PRKN: variants seen among roughly 807,000 people sequenced by gnomAD.
PRKN encodes E3 ubiquitin-protein ligase parkin.
PRKN carries 56 observed loss-of-function variants against 59.5 expected under a neutral mutation model. That is an observed-to-expected ratio of 0.94 (90% CI 0.76 to 1.18). The LOEUF (loss-of-function observed/expected upper bound fraction) is 1.18, where lower values mean the gene tolerates loss of function less well. Ranked by LOEUF, PRKN falls within the 50% of genes most tolerant of loss-of-function variation. The pLI, the probability that PRKN is intolerant of heterozygous loss-of-function variation, is 0.00. For missense variants in PRKN, 657 were observed against 596.4 expected (o/e 1.10, Z -1.06); for synonymous variants, 250 against 222.1 (o/e 1.13, Z -1.12).
chr6:162,538,472 C>A (rs1221432042), intron 1 of PRKN, among the ~76,000 whole-genome samples: 1 of 152,070 alleles, frequency 6.6e-6, no homozygotes, highest in Non-Finnish European at 1.5e-5. Flanking sequence ...AAAAAACCAT[C>A]ATTATTCATC....
chr6:162,337,932 T>C (rs1423185107), intron 2 of PRKN, among the ~76,000 whole-genome samples: 1 of 152,128 alleles, frequency 6.6e-6, no homozygotes, highest in Admixed American at 6.5e-5. Flanking sequence ...ACATTATTAA[T>C]GTTACATAAT....
In PRKN at chr6:161,376,630, G is replaced by A. The variant is rs151322872; in HGVS notation, c.1167+10164C>T. 1.8e-3 allele frequency among the ~76,000 whole-genome samples: 268 copies of A among 152,282 alleles called. 3 individuals carry two copies. The highest frequency in any genetic ancestry group is 6.2e-3 in the African/African-American group (257 of 41,568). On this transcript the variant is annotated intron_variant, in intron 10 of 11. Transcript: ENST00000366898. This position sits in a 1 kb window ranked among gnomAD's most constrained non-coding sequence, Gnocchi z 7.3. ...CCCAGTCCCACCACCTTGGGACTGAGGTCACACCGTCACATCACGGCGATA... is the reference window on the plus strand; with the variant it reads ...CCCAGTCCCACCACCTTGGGACTGAAGTCACACCGTCACATCACGGCGATA...
intron 9 of PRKN, among the ~76,000 whole-genome samples, chr6:161,404,143 TC>T (rs1787164514): frequency 6.6e-6 from 1 of 152,124 alleles, no homozygotes; most frequent in Non-Finnish European, 1.5e-5. Flanking sequence ...ACTGACCTGA[TC>T]CTAAATCCCT....
At chr6:162,655,392 G>GT (rs1398677892) in intron 1 of PRKN, among the ~76,000 whole-genome samples, 16 of 152,188 alleles carry the variant, frequency 1.1e-4, no homozygotes, top group Admixed American at 9.2e-4. Flanking sequence ...TGGCAGCCTA[G>GT]TATAACTGTG....
chr6:162,098,966 C>T (rs1779856845), intron 4 of PRKN, among the ~76,000 whole-genome samples: 1 of 152,180 alleles, frequency 6.6e-6, no homozygotes, highest in Admixed American at 6.5e-5. Context: ...GTCCGTTACA[C>T]TTGACATTTT....
At chr6:161,834,545 G>A (rs73785435) in intron 6 of PRKN, among the ~76,000 whole-genome samples, 5,958 of 152,284 alleles carry the variant, frequency 0.039, 384 homozygotes, top group African/African-American at 0.13. Context: ...CATCAATGAG[G>A]TAAGATACTT....
Position 162,452,512 on chromosome 6 carries a change from G to T in PRKN, c.8-9039C>A, listed in dbSNP as rs577173740. On this transcript the variant is annotated intron_variant, in intron 1 of 11. Coordinates refer to ENST00000366898, the MANE Select transcript of PRKN (RefSeq NM_004562.3). ...GGTCTTTTATTTATTTTATGAAGTG[G>T]AGCAATATTAACAATGAAGAAACTA... is the stretch of plus-strand genomic sequence containing the variant. 9.6e-4 allele frequency among the ~76,000 whole-genome samples: 146 copies of T among 152,092 alleles called. 5 individuals carry two copies. In the South Asian group the frequency reaches 0.029, roughly 30 times the overall value.
At chr6:162,611,274 G>C (rs527758890) in intron 1 of PRKN, among the ~76,000 whole-genome samples, 1 of 152,164 alleles carries the variant, frequency 6.6e-6, no homozygotes, top group Non-Finnish European at 1.5e-5. Flanking sequence ...ATAAATTAAA[G>C]TAGCTTATTG....
intron 6 of PRKN, among the ~76,000 whole-genome samples, chr6:161,807,330 C>T (rs1234721730): frequency 2.6e-5 from 4 of 152,136 alleles, no homozygotes; most frequent in Non-Finnish European, 5.9e-5. Context: ...CACAAAGATA[C>T]ACGCACACAT....
At position 161,978,890 on chromosome 6, in the gene PRKN, T is replaced by C. The variant is rs1380638921; in HGVS notation, c.619-5473A>G. On this transcript the variant is annotated intron_variant, in intron 5 of 11. Transcript: ENST00000366898. The stretch of plus-strand genomic sequence containing the variant: ...GTATTCTGGGGGAGCAGCCGGGCAG[T>C]GTCCTCTTCATCAGGAAGCCCAGCT... 2.6e-5 allele frequency among the ~76,000 whole-genome samples: 4 copies of C among 152,216 alleles called. No individual in the cohort carries two copies. In the East Asian group the frequency reaches 7.7e-4, roughly 29 times the overall value.
rs1189493213 is a variant in PRKN at position 161,873,911 on chromosome 6, A to T, written c.735-88003T>A. On this transcript the variant is annotated intron_variant, in intron 6 of 11. Transcript: ENST00000366898. ...AAAAATTATATACTATATATAAAATATATAAATATATAAAATATATAATAT... is the reference window on the plus strand; with the variant it reads ...AAAAATTATATACTATATATAAAATTTATAAATATATAAAATATATAATAT... Among the ~76,000 whole-genome samples the T allele has an allele frequency of 3.4e-5, 4 of 119,146 alleles. 1 individual carries two copies. The highest frequency in any genetic ancestry group is 1.4e-4 in the African/African-American group (4 of 29,466). The allele number at this position is 119,146 out of a possible 152,430, so 78.2% of individuals were successfully genotyped here.
intron 1 of PRKN, among the ~76,000 whole-genome samples, chr6:162,613,937 A>G (rs548518634): frequency 2.0e-5 from 3 of 152,314 alleles, no homozygotes; most frequent in East Asian, 3.9e-4. Flanking sequence ...TACTGTTGCA[A>G]TCACTGAGAG....
intron 4 of PRKN, among the ~76,000 whole-genome samples, chr6:162,109,111 G>C (rs1159002101): frequency 6.6e-6 from 1 of 152,164 alleles, no homozygotes; most frequent in Non-Finnish European, 1.5e-5. Context: ...GTCGTGAAAA[G>C]GGGCAGTAAC....
chr6:162,452,070 G>A (rs1430128538), intron 1 of PRKN, among the ~76,000 whole-genome samples: 1 of 152,164 alleles, frequency 6.6e-6, no homozygotes, highest in Non-Finnish European at 1.5e-5. Context: ...ATGGAGTCCA[G>A]AAGTGACGGC....
Position 162,605,080 on chromosome 6 carries a change from A to G in PRKN, c.7+122582T>C, listed in dbSNP as rs191565905. Among the ~76,000 whole-genome samples, 107 of 152,234 alleles carry G rather than the reference A, an allele frequency of 7.0e-4. No homozygotes were observed. In the East Asian group the frequency reaches 0.01, roughly 14 times the overall value. On this transcript the variant is annotated intron_variant, in intron 1 of 11. Transcript: ENST00000366898. The stretch of plus-strand genomic sequence containing the variant: ...AAGTATATATCACTTGCCAAAAGTG[A>G]TCTTTTCATTATCCTTTTATAGGTG...
chr6:161,921,387 G>C (rs1778781474), intron 6 of PRKN, among the ~76,000 whole-genome samples: 1 of 152,056 alleles, frequency 6.6e-6, no homozygotes, highest in Non-Finnish European at 1.5e-5. Context: ...TTATAAGTAG[G>C]AGTATACTCT....
rs373517765 is a variant in PRKN at position 161,777,787 on chromosome 6, A to G, written c.871+7985T>C. ...TGTATATATGTATATATGTATATGT[A>G]TATATGATATATGTATATATGTATA... is the stretch of plus-strand genomic sequence containing the variant. On this transcript the variant is annotated intron_variant, in intron 7 of 11. Transcript: ENST00000366898. Among the ~76,000 whole-genome samples, 722 of 126,132 alleles carry G rather than the reference A, an allele frequency of 5.7e-3. 9 individuals are homozygous for G. Among genetic ancestry groups the G allele is most frequent in the African/African-American group, 0.023 (675 of 29,216 alleles). 82.7% of individuals were successfully genotyped at this position (126,132 alleles called of 152,430 possible).
At chr6:162,556,345 GTGTGTGT>G (rs1779576782) in intron 1 of PRKN, among the ~76,000 whole-genome samples, 59 of 50,800 alleles carry the variant, frequency 1.2e-3, no homozygotes, top group Middle Eastern at 0.011. Context: ...CTCAGCTGGT[GTGTGTGT>G]GTGTGTGTGT....
intron 9 of PRKN, among the ~76,000 whole-genome samples, chr6:161,408,181 G>A (rs547536336): frequency 1.8e-4 from 28 of 152,194 alleles, no homozygotes; most frequent in African/African-American, 5.1e-4. Context: ...AAATTCGGCC[G>A]TGGGAAAATT....
Sources: gnomAD v4.1 joint callset for allele counts (sites outside exome capture counted in the v4.1 genomes callset) on GRCh38, gnomAD v4.1.1 for gene constraint, Gnocchi (gnomAD v3.1) non-coding constraint, MANE v1.5 for transcripts, NCBI Gene and HGNC (gene_info 2026-07-23, HGNC 2026-07-21) for gene names.